The following PCDH18 variants were observed in gnomAD, a reference collection of about 807,000 sequenced individuals.
PCDH18 encodes protocadherin-18.
Under a neutral mutation model 71.5 loss-of-function variants are expected in PCDH18, and 38 were observed. That is an observed-to-expected ratio of 0.53 (90% CI 0.41 to 0.70). The LOEUF is 0.70. Ranked by LOEUF, PCDH18 falls within the 30% of genes least tolerant of loss-of-function variation. The probability of loss-of-function intolerance (pLI) is 0.00; values close to 1 mark genes in which losing one functional copy is unlikely to be tolerated. For missense variants in PCDH18, 1,334 were observed against 1,384.6 expected (o/e 0.96, Z 0.58); for synonymous variants, 565 against 505.4 (o/e 1.12, Z -1.58).
At position 137,529,825 on chromosome 4, in the gene PCDH18, T is replaced by C; in HGVS notation, c.2264A>G (p.His755Arg). Reference protein sequence around the residue: ...HHPKRPSRQIHKGDITLVPTI... With the variant: ...HHPKRPSRQIRKGDITLVPTI... ...AGGCACCAATGTGATGTCCCCTTTG[T>C]GAATCTGCCGGGATGGCCTTTTTGG... is the stretch of plus-strand genomic sequence containing the variant. Residue 755 changes from histidine to arginine, a missense_variant, in exon 1 of 4, where the codon CAC becomes CGC. Coordinates refer to ENST00000344876, the MANE Select transcript of PCDH18 (RefSeq NM_019035.5). The C allele has an allele frequency of 6.2e-7, 1 of 1,611,386 alleles. No homozygotes were observed. Among genetic ancestry groups the C allele is most frequent in the Non-Finnish European group, 8.5e-7 (1 of 1,178,100 alleles).
chr4:137,521,241 T>C lies in PCDH18; in HGVS notation c.3196A>G (p.Thr1066Ala). 2 of 1,613,748 alleles carry C rather than the reference T, an allele frequency of 1.2e-6. No individual in the cohort carries two copies. The highest frequency in any genetic ancestry group is 1.7e-6 in the Non-Finnish European group (2 of 1,179,756). ...CCAAGTGGCGGCCCACAGTTGGTGGTGGGATTTTGAAAATGCGTACTGGCT... is the reference window on the plus strand; with the variant it reads ...CCAAGTGGCGGCCCACAGTTGGTGGCGGGATTTTGAAAATGCGTACTGGCT... ...WAASTHFQNPTTNCGPPLGTH... is the reference protein window; with the variant it reads ...WAASTHFQNPATNCGPPLGTH... The change falls in exon 4 of 4, where the codon ACC becomes GCC. Residue 1066 changes from threonine to alanine, a missense_variant. Thr to Ala is a moderately conservative substitution (Grantham distance 58). Around this residue, in one of 3 missense-constraint regions of PCDH18, gnomAD observed 319 missense variants for 316.3 expected, o/e 1.01. Coordinates refer to ENST00000344876, the MANE Select transcript of PCDH18 (RefSeq NM_019035.5).
intron 3 of PCDH18, among the ~76,000 whole-genome samples, chr4:137,522,088 C>A (rs1394500500): frequency 6.6e-6 from 1 of 152,122 alleles, no homozygotes; most frequent in African/African-American, 2.4e-5. Flanking sequence ...CCCATTAATT[C>A]TTGTGTAATA....
Position 137,521,209 on chromosome 4 carries a change from G to C in PCDH18, c.3228C>G (p.His1076Gln), listed in dbSNP as rs755101494. The C allele has an allele frequency of 1.9e-6, 3 of 1,614,090 alleles. No homozygotes were observed. The African/African-American group carries it at 4.0e-5, about 22-fold the overall frequency. Reference sequence around the variant, plus strand: ...ATTTTGAAGAAGGCTGCACACTGGAGTGAGTTCCAAGTGGCGGCCCACAGT... The same window carrying C: ...ATTTTGAAGAAGGCTGCACACTGGACTGAGTTCCAAGTGGCGGCCCACAGT... ...TTNCGPPLGT[H>Q]SSVQPSSKWL... Residue 1076 changes from histidine (H) to glutamine (Q), a missense_variant, in exon 4 of 4, where the codon CAC becomes CAG. Around this residue, in one of 3 missense-constraint regions of PCDH18, gnomAD observed 319 missense variants for 316.3 expected, o/e 1.01. Coordinates refer to ENST00000344876, the MANE Select transcript of PCDH18 (RefSeq NM_019035.5).
At position 137,530,818 on chromosome 4, in the gene PCDH18, T is replaced by C. The variant is rs1211831121; in HGVS notation, c.1271A>G (p.Asp424Gly). The change falls in exon 1 of 4, where the codon GAT (aspartate) becomes GGT (glycine). Residue 424 changes from aspartate to glycine, a missense_variant. Asp to Gly is a moderately conservative substitution (Grantham distance 94, BLOSUM62 -1). Around this residue, in one of 3 missense-constraint regions of PCDH18, gnomAD observed 1,011 missense variants for 1,048.0 expected, o/e 0.96. Coordinates refer to ENST00000344876, the MANE Select transcript of PCDH18 (RefSeq NM_019035.5). The stretch of plus-strand genomic sequence containing the variant: ...ACTATACTCAGATCTCTTTTCTCTA[T>C]CCAGTGTGGCATTAGTTAAGATTAA... ...NYLILTNATLDREKRSEYSLT... is the reference protein window; with the variant it reads ...NYLILTNATLGREKRSEYSLT... The C allele has an allele frequency of 6.2e-7, 1 of 1,611,376 alleles. No individual in the cohort carries two copies. The highest frequency in any genetic ancestry group is 1.3e-5 in the African/African-American group (1 of 74,838).
At position 137,520,507 on chromosome 4, in the gene PCDH18, T is replaced by C. The variant is rs1178966243; in HGVS notation, c.*522A>G. On this transcript the variant is annotated 3_prime_UTR_variant, in exon 4 of 4. Coordinates refer to ENST00000344876, the MANE Select transcript of PCDH18 (RefSeq NM_019035.5). ...GATTTTCCTATAAGAGTTCAACTAT[T>C]GGGGCTAGTAGAAAGTAGAGAAAAT... 3.3e-5 allele frequency: 5 copies of C among 152,608 alleles called. No homozygotes were observed. Among genetic ancestry groups the C allele is most frequent in the Admixed American group, 2.0e-4 (3 of 15,282 alleles). 9.5% of individuals were successfully genotyped at this position (152,608 alleles called of 1,614,324 possible).
At position 137,521,608 on chromosome 4, in the gene PCDH18, A is replaced by G. The variant is rs1199640832; in HGVS notation, c.2829T>C (p.Tyr943=). Residue 943 remains tyrosine, a synonymous_variant, in exon 4 of 4, where the codon TAT becomes TAC. Coordinates refer to ENST00000344876, the MANE Select transcript of PCDH18 (RefSeq NM_019035.5). ...CCCCTGGAATGAACATGTTACTCCT[A>G]TAATCAGAAGACGGTGAGGGCAGTG... ...MPPLPSPSSD[Y]RSNMFIPGEE... 4.3e-6 allele frequency: 7 copies of G among 1,613,960 alleles called. No individual in the cohort carries two copies. Among genetic ancestry groups the G allele is most frequent in the African/African-American group, 1.3e-5 (1 of 75,046 alleles).
Position 137,528,768 on chromosome 4 carries a change from G to C in PCDH18, c.2540C>G (p.Pro847Arg). The change falls in exon 2 of 4, where the codon CCA (proline) becomes CGA (arginine). Residue 847 changes from proline to arginine, a missense_variant. Physicochemically the swap from Pro to Arg is moderately radical, Grantham distance 103. Transcript: ENST00000344876. ...MLHQGQYQPR[P>R]SFRGNKYSRS... ...GGAATATTTGTTTCCTCGAAAACTT[G>C]GTCTTGGCTGATATTGCCCCTGGTG... The C allele has an allele frequency of 6.2e-7, 1 of 1,613,576 alleles. No individual in the cohort carries two copies. The highest frequency in any genetic ancestry group is 8.5e-7 in the Non-Finnish European group (1 of 1,179,742).
In PCDH18 at chr4:137,532,484, G is replaced by T. The variant is rs1731750423; in HGVS notation, c.-396C>A. The stretch of plus-strand genomic sequence containing the variant: ...TAAACACCCGTGATTGCTGACTCCA[G>T]TCTAAAATCTGTACAACTTCACTTC... On this transcript the variant is annotated 5_prime_UTR_variant, in exon 1 of 4. In the 5' UTR this introduces an upstream ATG that the reference lacks. Coordinates refer to ENST00000344876, the MANE Select transcript of PCDH18 (RefSeq NM_019035.5). The T allele has an allele frequency of 3.2e-6, 2 of 617,730 alleles. No homozygotes were observed. Among genetic ancestry groups the T allele is most frequent in the South Asian group, 3.7e-5 (2 of 53,568 alleles). The allele number at this position is 617,730 out of a possible 1,614,324, so 38.3% of individuals were successfully genotyped here. A position where few individuals can be genotyped will look rare whatever the true frequency, so the allele number is the denominator to read the frequency against.
intron 1 of PCDH18, 110 bp downstream of exon 1, chr4:137,529,491 CA>C: frequency 1.1e-5 from 7 of 665,742 alleles, no homozygotes; most frequent in Non-Finnish European, 1.7e-5. Context: ...ACTTAATTTG[CA>C]CAGTATTAGT....
In PCDH18 at chr4:137,532,072, G is replaced by T; in HGVS notation, c.17C>A (p.Ala6Asp). 6.2e-7 allele frequency: 1 copy of T among 1,608,668 alleles called. No individual in the cohort carries two copies. The highest frequency in any genetic ancestry group is 8.5e-7 in the Non-Finnish European group (1 of 1,176,978). The change falls in exon 1 of 4, where the codon GCT (alanine) becomes GAT (aspartate). Residue 6 changes from alanine (A) to aspartate (D), a missense_variant. Around this residue, in one of 3 missense-constraint regions of PCDH18, gnomAD observed 1,011 missense variants for 1,048.0 expected, o/e 0.96. Coordinates refer to ENST00000344876, the MANE Select transcript of PCDH18 (RefSeq NM_019035.5). The stretch of plus-strand genomic sequence containing the variant: ...AAAAACAAACCTAAAGTGCATTTTA[G>T]CATTCATTTGGTGCATTGGTCAGTT... MHQMN[A>D]KMHFRFVFAL...
chr4:137,532,410 G>A lies in PCDH18; in HGVS notation c.-322C>T, dbSNP rs1731747426. The A allele has an allele frequency of 1.4e-6, 1 of 694,474 alleles. No individual in the cohort carries two copies. The highest frequency in any genetic ancestry group is 2.6e-6 in the Non-Finnish European group (1 of 380,586). 43.0% of individuals were successfully genotyped at this position (694,474 alleles called of 1,614,324 possible). Reference sequence around the variant, plus strand: ...GCAGGGTGCCGGTGGAGTCTGCAGTGTGTCTTTCCTGAGCGATTCTTTCTC... The same window carrying A: ...GCAGGGTGCCGGTGGAGTCTGCAGTATGTCTTTCCTGAGCGATTCTTTCTC... On this transcript the variant is annotated 5_prime_UTR_variant, in exon 1 of 4. Coordinates refer to ENST00000344876, the MANE Select transcript of PCDH18 (RefSeq NM_019035.5).
rs1731275355 is a variant in PCDH18, at chr4:137,521,069, G to A, written c.3368C>T (p.Ala1123Val). The change falls in exon 4 of 4, where the codon GCA becomes GTA. Residue 1123 changes from alanine (A) to valine (V), a missense_variant. Coordinates refer to ENST00000344876, the MANE Select transcript of PCDH18 (RefSeq NM_019035.5). Reference protein sequence around the residue: ...HELMDASELVAEINKLLQDVR... With the variant: ...HELMDASELVVEINKLLQDVR... The stretch of plus-strand genomic sequence containing the variant: ...ATCTTGAAGCAGTTTGTTAATCTCT[G>A]CCACCAGTTCACTGGCATCCATGAG... 11 of 1,610,300 alleles carry A rather than the reference G, an allele frequency of 6.8e-6. No individual in the cohort carries two copies. The highest frequency in any genetic ancestry group is 9.3e-6 in the Non-Finnish European group (11 of 1,177,156).
intron 1 of PCDH18, 39 bp downstream of exon 1, chr4:137,529,556 ACTAACAC>A (rs751778617): frequency 7.5e-7 from 1 of 1,341,500 alleles, no homozygotes; most frequent in Non-Finnish European, 1.0e-6. Context: ...ATTCCTGAAC[ACTAACAC>A]CTAACATTGC....
chr4:137,532,139 A>G lies in PCDH18; in HGVS notation c.-51T>C, dbSNP rs1328809066. Reference sequence around the variant, plus strand: ...CAGAGCAAGTTAAAACAGCAAAGCAATTGCCTCAACTTCCTTTGGCAACGT... The same window carrying G: ...CAGAGCAAGTTAAAACAGCAAAGCAGTTGCCTCAACTTCCTTTGGCAACGT... On this transcript the variant is annotated 5_prime_UTR_variant, in exon 1 of 4. Transcript: ENST00000344876. 7.0e-7 allele frequency: 1 copy of G among 1,432,480 alleles called. No individual in the cohort carries two copies. The highest frequency in any genetic ancestry group is 1.7e-5 in the Admixed American group (1 of 59,650). 88.7% of individuals were successfully genotyped at this position (1,432,480 alleles called of 1,614,324 possible).
In PCDH18 at chr4:137,519,925, A is replaced by G. The variant is rs905263915; in HGVS notation, c.*1104T>C. 6.6e-6 allele frequency: 1 copy of G among 152,636 alleles called. No homozygotes were observed. The highest frequency in any genetic ancestry group is 1.5e-5 in the Non-Finnish European group (1 of 68,040). 9.5% of individuals were successfully genotyped at this position (152,636 alleles called of 1,614,324 possible). A position where few individuals can be genotyped will look rare whatever the true frequency, so the allele number is the denominator to read the frequency against. Reference sequence around the variant, plus strand: ...CAACAAATAAAACAATTGCAGTAACAAAAATATGATTTTATAAATGTTCTT... The same window carrying G: ...CAACAAATAAAACAATTGCAGTAACGAAAATATGATTTTATAAATGTTCTT... On this transcript the variant is annotated 3_prime_UTR_variant, in exon 4 of 4. Transcript: ENST00000344876.
In PCDH18 at chr4:137,529,751, A is replaced by G. The variant is rs768343981; in HGVS notation, c.2338T>C (p.Ser780Pro). Reference sequence around the variant, plus strand: ...CCTCTTTCTAAGGTAGGAGATGAAGATGGAGACGATCTGTGATGAGATCTG... The same window carrying G: ...CCTCTTTCTAAGGTAGGAGATGAAGGTGGAGACGATCTGTGATGAGATCTG... ...PIRSHHRSSPSSSPTLERGQM... is the reference protein window; with the variant it reads ...PIRSHHRSSPPSSPTLERGQM... The change falls in exon 1 of 4, where the codon TCT (serine) becomes CCT (proline). Residue 780 changes from serine (S) to proline (P), a missense_variant. Physicochemically the swap from Ser to Pro is moderately conservative, Grantham distance 74 (BLOSUM62 -1). Transcript: ENST00000344876. 6.8e-6 allele frequency: 11 copies of G among 1,613,848 alleles called. No individual in the cohort carries two copies. The highest frequency in any genetic ancestry group is 8.5e-6 in the Non-Finnish European group (10 of 1,179,958).
chr4:137,532,431 TTC>T lies in PCDH18; in HGVS notation c.-345_-344del. 1.5e-6 allele frequency: 1 copy of T among 684,086 alleles called. No individual in the cohort carries two copies. Among genetic ancestry groups the T allele is most frequent in the Non-Finnish European group, 2.7e-6 (1 of 375,146 alleles). 42.4% of individuals were successfully genotyped at this position (684,086 alleles called of 1,614,324 possible). A position where few individuals can be genotyped will look rare whatever the true frequency, so the allele number is the denominator to read the frequency against. ...CAGTGTGTCTTTCCTGAGCGATTCT[TTC>T]TCCCTTTAGCTGCTCGGCTGCAGAC... is the stretch of plus-strand genomic sequence containing the variant. On this transcript the variant is annotated 5_prime_UTR_variant, in exon 1 of 4. Coordinates refer to ENST00000344876, the MANE Select transcript of PCDH18 (RefSeq NM_019035.5).
chr4:137,529,533 AC>A, intron 1 of PCDH18, 68 bp downstream of exon 1: 1 of 1,055,096 alleles, frequency 9.5e-7, no homozygotes, highest in Non-Finnish European at 1.4e-6. Context: ...ACATTTAAGA[AC>A]TAGTAAACAC....
Position 137,521,018 on chromosome 4 carries a change from G to C in PCDH18, c.*11C>G, listed in dbSNP as rs759055223. The stretch of plus-strand genomic sequence containing the variant: ...ATATACATGGAAACAAAAATGCTTC[G>C]CTAAAATCTCCTAGCTCTGGCGGAC... On this transcript the variant is annotated 3_prime_UTR_variant, in exon 4 of 4. Transcript: ENST00000344876. The C allele has an allele frequency of 1.3e-6, 2 of 1,546,022 alleles. No homozygotes were observed. The highest frequency in any genetic ancestry group is 1.4e-5 in the African/African-American group (1 of 72,776).
Sources: allele counts gnomAD v4.1 joint callset (sites outside exome capture counted in the v4.1 genomes callset), GRCh38; gene constraint gnomAD v4.1.1; regional missense constraint gnomAD v4.1.1; transcripts MANE v1.5; gene names NCBI Gene and HGNC (gene_info 2026-07-23, HGNC 2026-07-21).